ZNF174: variants seen among roughly 807,000 people sequenced by gnomAD.
ZNF174 encodes AW-1.
A neutral mutation model predicts 38.7 loss-of-function variants in ZNF174; 30 were observed. The observed-to-expected ratio is 0.78, with a 90% confidence interval of 0.58 to 1.05. The LOEUF (loss-of-function observed/expected upper bound fraction) is 1.05. Ranked by LOEUF, ZNF174 falls within the 50% of genes least tolerant of loss-of-function variation. The probability of loss-of-function intolerance (pLI) is 0.00; values close to 1 mark genes in which losing one functional copy is unlikely to be tolerated. For synonymous variants in ZNF174, 201 were observed against 181.7 expected, an observed-to-expected ratio of 1.11 and a Z score of -0.86; for missense variants, 499 against 495.6, an observed-to-expected ratio of 1.01 and a Z score of -0.06.
intron 1 of ZNF174, 49 bp downstream of exon 1, chr16:3,402,455 T>TTG: frequency 6.8e-7 from 1 of 1,470,636 alleles, no homozygotes; most frequent in South Asian, 1.3e-5. Context: ...TTTCTTTTCT[T>TTG]TTTTTTTTTT....
At chr16:3,404,352 C>G in intron 1 of ZNF174, 74 bp from the exon 2 acceptor site, 1 of 1,430,802 alleles carries the variant, frequency 7.0e-7, no homozygotes, top group Non-Finnish European at 9.4e-7. Flanking sequence ...GTAAACGGGT[C>G]ATTATACAAC....
rs376340381 is a variant in ZNF174 at position 3,408,528 on chromosome 16, G to C, written c.833G>C (p.Arg278Thr). ...CAAAAGCCATTTGCTCACTACCAGA[G>C]ACATTGCAGGGTGGAATACATCAGC... ...NAQKPFAHYQ[R>T]HCRVEYISSP... is the part of the protein sequence containing the mutation. The change falls in exon 3 of 3, where the codon AGA (arginine) becomes ACA (threonine). Residue 278 changes from arginine to threonine, a missense_variant. Physicochemically the swap from Arg to Thr is moderately conservative, Grantham distance 71 (BLOSUM62 -1). Coordinates refer to ENST00000268655, the MANE Select transcript of ZNF174 (RefSeq NM_003450.3). 3 of 1,614,074 alleles carry C rather than the reference G, an allele frequency of 1.9e-6. No homozygotes were observed. The highest frequency in any genetic ancestry group is 1.3e-5 in the African/African-American group (1 of 74,926).
rs368248480 is a variant in ZNF174 at position 3,408,322 on chromosome 16, G to A, written c.627G>A (p.Glu209=). Residue 209 remains glutamate (E), a splice_region_variant and synonymous_variant, in exon 3 of 3, where the codon GAG becomes GAA. Coordinates refer to ENST00000268655, the MANE Select transcript of ZNF174 (RefSeq NM_003450.3). ...GAAGCATTTTCTTTCTAATTATAGA[G>A]GCCCCCAGAATGAGAAGTGACAACA... ...QEPTPKLAGT[E]APRMRSDNKE... is the part of the protein sequence containing the mutation. 4 of 1,570,532 alleles carry A rather than the reference G, an allele frequency of 2.5e-6. No individual in the cohort carries two copies. In the African/African-American group the frequency reaches 5.5e-5, roughly 22 times the overall value.
Position 3,408,572 on chromosome 16 carries a change from CCACT to C in ZNF174, c.878_881del (p.Pro293ArgfsTer4). ...CATCAGCAGCCCCCTAAAAAGCCACCCACTGAGAGAGCTAAAGAAAAGCAAAGGA... is the reference window on the plus strand; with the variant it reads ...CATCAGCAGCCCCCTAAAAAGCCACCGAGAGAGCTAAAGAAAAGCAAAGGA... On this transcript the variant is annotated frameshift_variant, in exon 3 of 3. Transcript: ENST00000268655. LOFTEE classifies it high-confidence loss of function. 6.2e-7 allele frequency: 1 copy of C among 1,614,110 alleles called. No individual in the cohort carries two copies. Among genetic ancestry groups the C allele is most frequent in the Non-Finnish European group, 8.5e-7 (1 of 1,180,028 alleles).
At position 3,409,014 on chromosome 16, in the gene ZNF174, A is replaced by G; in HGVS notation, c.*95A>G. 6.1e-6 allele frequency: 8 copies of G among 1,319,254 alleles called. No individual in the cohort carries two copies. The highest frequency in any genetic ancestry group is 8.3e-6 in the Non-Finnish European group (8 of 961,344). The allele number at this position is 1,319,254 out of a possible 1,614,324, so 81.7% of individuals were successfully genotyped here. On this transcript the variant is annotated 3_prime_UTR_variant, in exon 3 of 3. Coordinates refer to ENST00000268655, the MANE Select transcript of ZNF174 (RefSeq NM_003450.3). ...AATCACAAAAACTGTGTGACTTACA[A>G]GGAAAGCACGAGGCCCTTGAGGAAT...
chr16:3,408,745 A>G lies in ZNF174; in HGVS notation c.1050A>G (p.Gly350=), dbSNP rs2034088722. The change falls in exon 3 of 3, where the codon GGA becomes GGG. Residue 350 remains glycine (G), a synonymous_variant. Transcript: ENST00000268655. The part of the protein sequence containing the change: ...ELKRHKRVHT[G]ERPYTCGECG... ...AGAGACACAAGAGAGTCCACACAGG[A>G]GAGAGACCCTACACGTGCGGAGAGT... 1 of 1,614,030 alleles carries G rather than the reference A, an allele frequency of 6.2e-7. No individual in the cohort carries two copies. Among genetic ancestry groups the G allele is most frequent in the Non-Finnish European group, 8.5e-7 (1 of 1,180,016 alleles).
chr16:3,401,911 C>G lies in ZNF174; in HGVS notation c.-94C>G. On this transcript the variant is annotated 5_prime_UTR_variant, in exon 1 of 3. Transcript: ENST00000268655. ...TAACATCCTCAGAGAACCTTCGTTT[C>G]TAGAATCTTTCTAGTATTCAGAGAC... The G allele has an allele frequency of 6.8e-7, 1 of 1,478,136 alleles. No individual in the cohort carries two copies. Among genetic ancestry groups the G allele is most frequent in the Non-Finnish European group, 9.1e-7 (1 of 1,093,638 alleles). The allele number at this position is 1,478,136 out of a possible 1,614,324, so 91.6% of individuals were successfully genotyped here.
rs112060179 is a variant in ZNF174, at chr16:3,404,828, A to G, written c.625+180A>G. ...GATGGTGGTGATACTACAAGTAAGT[A>G]TGTTTTTATCGTTTTCTGTTAATGA... On this transcript the variant is annotated intron_variant, in intron 2 of 2. Coordinates refer to ENST00000268655, the MANE Select transcript of ZNF174 (RefSeq NM_003450.3). 2.3e-3 allele frequency: 3,602 copies of G among 1,582,360 alleles called. 11 individuals carry two copies. The highest frequency in any genetic ancestry group is 9.0e-3 in the Middle Eastern group (53 of 5,918).
At chr16:3,404,159 G>A (rs1364725907) in intron 1 of ZNF174, among the ~76,000 whole-genome samples, 2 of 152,130 alleles carry the variant, frequency 1.3e-5, no homozygotes, top group Non-Finnish European at 1.5e-5. Flanking sequence ...ATTTGTGCCA[G>A]CAACTACCCT....
chr16:3,407,169 C>T (rs1260365905), intron 2 of ZNF174, among the ~76,000 whole-genome samples: 1 of 152,166 alleles, frequency 6.6e-6, no homozygotes, highest in Non-Finnish European at 1.5e-5. Context: ...ATGGTGCCTG[C>T]TATGAGTCCC....
At chr16:3,405,386 G>A (rs1391365442) in intron 2 of ZNF174, among the ~76,000 whole-genome samples, 1 of 152,164 alleles carries the variant, frequency 6.6e-6, no homozygotes, top group Non-Finnish European at 1.5e-5. Context: ...CAGTTCTAGA[G>A]GCTAGGAAGT....
At chr16:3,405,088 A>T in intron 2 of ZNF174, 2 of 1,510,738 alleles carry the variant, frequency 1.3e-6, no homozygotes, top group South Asian at 1.3e-5. Flanking sequence ...TTAGATCCTC[A>T]AATCTATTTC....
chr16:3,409,331 C>G lies in ZNF174; in HGVS notation c.*412C>G, dbSNP rs2034096960. Reference sequence around the variant, plus strand: ...ACCAGACAATTTTTTATCATGAGCACACTTCTTTAATAAAGATGAGTGATC... The same window carrying G: ...ACCAGACAATTTTTTATCATGAGCAGACTTCTTTAATAAAGATGAGTGATC... On this transcript the variant is annotated 3_prime_UTR_variant, in exon 3 of 3. Coordinates refer to ENST00000268655, the MANE Select transcript of ZNF174 (RefSeq NM_003450.3). The G allele has an allele frequency of 5.9e-6, 1 of 168,736 alleles. No individual in the cohort carries two copies. Among genetic ancestry groups the G allele is most frequent in the Non-Finnish European group, 1.3e-5 (1 of 76,476 alleles). The allele number at this position is 168,736 out of a possible 1,614,324, so 10.5% of individuals were successfully genotyped here.
chr16:3,402,466 TTTC>T, intron 1 of ZNF174, 60 bp downstream of exon 1: 1 of 1,527,196 alleles, frequency 6.5e-7, no homozygotes, highest in Non-Finnish European at 8.8e-7. Context: ...TTTTTTTTTT[TTTC>T]TTTTTTTGAG....
chr16:3,402,071 A>G lies in ZNF174; in HGVS notation c.67A>G (p.Ile23Val), dbSNP rs767869793. 1.7e-5 allele frequency: 27 copies of G among 1,614,062 alleles called. No individual in the cohort carries two copies. The highest frequency in any genetic ancestry group is 6.7e-5 in the African/African-American group (5 of 74,920). ...AGCTTCCTCCAAGCAAGAGAGACAC[A>G]TAATAGCCAAACTAGAAGAGAAACG... ...TEASSKQERH[I>V]IAKLEEKRGP... The change falls in exon 1 of 3, where the codon ATA (isoleucine) becomes GTA (valine). Residue 23 changes from isoleucine (I) to valine (V), a missense_variant. Transcript: ENST00000268655.
Position 3,402,269 on chromosome 16 carries a change from C to CTGGTGA in ZNF174, c.269_274dup (p.Val90_Met91dup), listed in dbSNP as rs1333816307. 1.9e-6 allele frequency: 3 copies of CTGGTGA among 1,614,102 alleles called. No individual in the cohort carries two copies. The highest frequency in any genetic ancestry group is 2.5e-6 in the Non-Finnish European group (3 of 1,180,022). ...CACCAAGGAGCAGATTTTGGAGCTT[C>CTGGTGA]TGGTGATGGAGCAGTTCCTGACCAT... On this transcript the variant is annotated inframe_insertion, in exon 1 of 3. Coordinates refer to ENST00000268655, the MANE Select transcript of ZNF174 (RefSeq NM_003450.3).
chr16:3,402,921 G>A (rs2033978358), intron 1 of ZNF174, among the ~76,000 whole-genome samples: 1 of 152,060 alleles, frequency 6.6e-6, no homozygotes, highest in Non-Finnish European at 1.5e-5. Context: ...ACCCAGTGAG[G>A]CAACAGAGGA....
intron 2 of ZNF174, among the ~76,000 whole-genome samples, chr16:3,406,358 T>A (rs2034056129): frequency 1.3e-5 from 2 of 152,244 alleles, no homozygotes. Context: ...GTTTAACTTA[T>A]GAGGAACTAC....
rs1334303161 is a variant in ZNF174, at chr16:3,409,095, G to A, written c.*176G>A. 3.1e-5 allele frequency: 21 copies of A among 671,306 alleles called. No homozygotes were observed. The highest frequency in any genetic ancestry group is 9.0e-5 in the African/African-American group (5 of 55,856). 41.6% of individuals were successfully genotyped at this position (671,306 alleles called of 1,614,324 possible). A position where few individuals can be genotyped will look rare whatever the true frequency, so the allele number is the denominator to read the frequency against. ...AGAAAAGGCCAACCAGGGCCCAACCGTGCATGATGACAGGGTGAAGAGAAG... is the reference window on the plus strand; with the variant it reads ...AGAAAAGGCCAACCAGGGCCCAACCATGCATGATGACAGGGTGAAGAGAAG... On this transcript the variant is annotated 3_prime_UTR_variant, in exon 3 of 3. Coordinates refer to ENST00000268655, the MANE Select transcript of ZNF174 (RefSeq NM_003450.3).
Sources: allele counts gnomAD v4.1 joint callset (sites outside exome capture counted in the v4.1 genomes callset), GRCh38; gene constraint gnomAD v4.1.1; transcripts MANE v1.5; gene names NCBI Gene and HGNC (gene_info 2026-07-23, HGNC 2026-07-21).